The following ST6GAL2 variants were observed in gnomAD, a reference collection of about 807,000 sequenced individuals.
The protein encoded by ST6GAL2 is beta-galactoside alpha-2,6-sialyltransferase 2.
In ST6GAL2, 24 loss-of-function variants were observed where a neutral mutation model predicts 37.5. The ratio of observed to expected loss-of-function variants is 0.64; its 90% confidence interval spans 0.46 to 0.90. ST6GAL2 has a LOEUF of 0.90. Ranked by LOEUF, ST6GAL2 falls within the 40% of genes least tolerant of loss-of-function variation. The probability of loss-of-function intolerance (pLI) is 0.00; values close to 1 mark genes in which losing one functional copy is unlikely to be tolerated. For synonymous variants in ST6GAL2, 306 were observed against 295.1 expected (o/e 1.04, Z -0.38); for missense variants, 715 against 712.7 (o/e 1.00, Z -0.04).
chr2:106,806,726 G>A lies in ST6GAL2; in HGVS notation c.1542C>T (p.Phe514=). 6.2e-7 allele frequency: 1 copy of A among 1,614,126 alleles called. No homozygotes were observed. Among genetic ancestry groups the A allele is most frequent in the South Asian group, 1.1e-5 (1 of 91,080 alleles). The part of the protein sequence containing the change: ...HRKGKVVLPG[F]QAVHCPAPSP... ...TTGGTGCAGGGCAGTGCACCGCCTG[G>A]AAGCCGGGAAGAACCACCTTGCCCT... The change falls in exon 6 of 6, where the codon TTC becomes TTT. Residue 514 remains phenylalanine, a synonymous_variant. Transcript: ENST00000409382.
At chr2:106,877,008 G>T (rs948949417) in intron 1 of ST6GAL2, among the ~76,000 whole-genome samples, 2 of 152,126 alleles carry the variant, frequency 1.3e-5, no homozygotes, top group African/African-American at 4.8e-5. Context: ...TGGTAGGTGG[G>T]GGAAAGTAAA....
intron 1 of ST6GAL2, among the ~76,000 whole-genome samples, chr2:106,875,173 TC>T (rs368360467): frequency 0.028 from 3,972 of 143,738 alleles, 85 homozygotes; most frequent in South Asian, 0.071. Context: ...TTTTTTTGTT[TC>T]TTTTTTTTTT....
In ST6GAL2 at chr2:106,801,912, A is replaced by G. The variant is rs1035784690; in HGVS notation, c.*4766T>C. On this transcript the variant is annotated 3_prime_UTR_variant, in exon 6 of 6. Coordinates refer to ENST00000409382, the MANE Select transcript of ST6GAL2 (RefSeq NM_001142351.2). ...TAAATGTTAGATTTTAACACCACCA[A>G]TGCAATTTCTTTGTTTCCAATCTAC... 2.6e-5 allele frequency: 4 copies of G among 152,122 alleles called. No homozygotes were observed. The highest frequency in any genetic ancestry group is 6.5e-5 in the Admixed American group (1 of 15,280). The allele number at this position is 152,122 out of a possible 1,614,324, so 9.4% of individuals were successfully genotyped here.
intron 1 of ST6GAL2, among the ~76,000 whole-genome samples, chr2:106,859,881 T>TA (rs201807631): frequency 3.2e-4 from 48 of 148,694 alleles, no homozygotes; most frequent in East Asian, 7.9e-4. Context: ...TACTTCAAAT[T>TA]AAAAAAAAAA....
At chr2:106,810,232 T>G (rs1675555875) in intron 5 of ST6GAL2, among the ~76,000 whole-genome samples, 1 of 152,226 alleles carries the variant, frequency 6.6e-6, no homozygotes, top group Non-Finnish European at 1.5e-5. Flanking sequence ...TGTCATAGAC[T>G]ATGCAAATAG....
In ST6GAL2 at chr2:106,806,696, T is replaced by C; in HGVS notation, c.1572A>G (p.Pro524=). 6.2e-7 allele frequency: 1 copy of C among 1,614,088 alleles called. No individual in the cohort carries two copies. Among genetic ancestry groups the C allele is most frequent in the Non-Finnish European group, 8.5e-7 (1 of 1,179,956 alleles). The change falls in exon 6 of 6, where the codon CCA becomes CCG. Residue 524 remains proline (P), a synonymous_variant. Coordinates refer to ENST00000409382, the MANE Select transcript of ST6GAL2 (RefSeq NM_001142351.2). The stretch of plus-strand genomic sequence containing the variant: ...ACCCTTTTTAAGAGTGTGGAATGAC[T>C]GGACTTGGTGCAGGGCAGTGCACCG... The part of the protein sequence containing the change: ...FQAVHCPAPS[P]VIPHS
Position 106,844,113 on chromosome 2 carries a change from T to C in ST6GAL2, c.-57-79A>G, listed in dbSNP as rs1044901930. The C allele has an allele frequency of 1.2e-5, 8 of 671,122 alleles. No individual in the cohort carries two copies. The African/African-American group carries it at 1.4e-4, about 12-fold the overall frequency. The allele number at this position is 671,122 out of a possible 1,614,324, so 41.6% of individuals were successfully genotyped here. A position where few individuals can be genotyped will look rare whatever the true frequency, so the allele number is the denominator to read the frequency against. On this transcript the variant is annotated intron_variant, in intron 1 of 5. Transcript: ENST00000409382. ...GCTGGGGACATTCTATCTTGAGCAG[T>C]GTTTCTGTAGGTGGTGGGGTGGGGT... is the stretch of plus-strand genomic sequence containing the variant.
chr2:106,823,017 G>C (rs73949765), intron 5 of ST6GAL2: 37 of 152,132 alleles, frequency 2.4e-4, no homozygotes, highest in African/African-American at 8.7e-4. Context: ...CTGAAATCAG[G>C]TGTTTTTCCA....
chr2:106,868,566 T>C (rs1450772827), intron 1 of ST6GAL2, among the ~76,000 whole-genome samples: 1 of 152,228 alleles, frequency 6.6e-6, no homozygotes, highest in Non-Finnish European at 1.5e-5. Flanking sequence ...CAAAGATCGC[T>C]GCACCGGAAG....
intron 1 of ST6GAL2, among the ~76,000 whole-genome samples, chr2:106,848,889 A>G (rs1677248194): frequency 6.6e-6 from 1 of 152,202 alleles, no homozygotes; most frequent in African/African-American, 2.4e-5. Context: ...AGCGCCAGAG[A>G]TAAGACCCTC....
Position 106,844,016 on chromosome 2 carries a change from G to A in ST6GAL2, c.-39C>T. ...GGTCAGCACCTTGTGTCTTAATGCA[G>A]ATGGGTGGCAGAATGAACCTGAAAA... On this transcript the variant is annotated 5_prime_UTR_variant, in exon 2 of 6. Coordinates refer to ENST00000409382, the MANE Select transcript of ST6GAL2 (RefSeq NM_001142351.2). The A allele has an allele frequency of 6.6e-7, 1 of 1,505,372 alleles. No individual in the cohort carries two copies. Among genetic ancestry groups the A allele is most frequent in the Non-Finnish European group, 8.9e-7 (1 of 1,126,284 alleles). 93.3% of individuals were successfully genotyped at this position (1,505,372 alleles called of 1,614,324 possible). A position where few individuals can be genotyped will look rare whatever the true frequency, so the allele number is the denominator to read the frequency against.
chr2:106,816,982 C>A (rs530001298), intron 5 of ST6GAL2, among the ~76,000 whole-genome samples: 1 of 152,192 alleles, frequency 6.6e-6, no homozygotes, highest in African/African-American at 2.4e-5. Context: ...AAAGCAACAC[C>A]GGGCAGAACT....
chr2:106,839,297 G>C (rs1250644678), intron 2 of ST6GAL2, among the ~76,000 whole-genome samples: 1 of 151,966 alleles, frequency 6.6e-6, no homozygotes, highest in African/African-American at 2.4e-5. Context: ...CTTCAGCTTG[G>C]TCTCCTCTCC....
At chr2:106,854,264 T>C (rs1414801925) in intron 1 of ST6GAL2, among the ~76,000 whole-genome samples, 1 of 152,226 alleles carries the variant, frequency 6.6e-6, no homozygotes, top group African/African-American at 2.4e-5. Context: ...GAAAGCCCTG[T>C]TGGCACCTGC....
At chr2:106,819,342 G>C (rs1675917266) in intron 5 of ST6GAL2, among the ~76,000 whole-genome samples, 1 of 149,452 alleles carries the variant, frequency 6.7e-6, no homozygotes, top group Non-Finnish European at 1.5e-5. Flanking sequence ...GATCCTAAAA[G>C]CAGCAAGAGA....
rs561773356 is a variant in ST6GAL2 at position 106,852,402 on chromosome 2, C to T, written c.-57-8368G>A. ...AGGGCTGGCCGACCCAGTGACCTCGCTTGGTTGAGGCATAAGTTTAAAACA... is the reference window on the plus strand; with the variant it reads ...AGGGCTGGCCGACCCAGTGACCTCGTTTGGTTGAGGCATAAGTTTAAAACA... On this transcript the variant is annotated intron_variant, in intron 1 of 5. Coordinates refer to ENST00000409382, the MANE Select transcript of ST6GAL2 (RefSeq NM_001142351.2). 1.0e-3 allele frequency among the ~76,000 whole-genome samples: 152 copies of T among 152,306 alleles called. 4 individuals carry two copies. In the South Asian group the frequency reaches 0.03, roughly 30 times the overall value.
chr2:106,838,264 G>T (rs1039065907), intron 2 of ST6GAL2, among the ~76,000 whole-genome samples: 1 of 152,196 alleles, frequency 6.6e-6, no homozygotes, highest in Non-Finnish European at 1.5e-5. Flanking sequence ...TGCATCCATG[G>T]AAGGAAAATT....
intron 1 of ST6GAL2, among the ~76,000 whole-genome samples, chr2:106,857,547 T>C (rs1210712301): frequency 2.0e-5 from 3 of 152,084 alleles, no homozygotes; most frequent in Non-Finnish European, 4.4e-5. Flanking sequence ...GAGGTTGCAG[T>C]GAGCTGAGAT....
In ST6GAL2 at chr2:106,834,348, T is replaced by C. The variant is rs188356776; in HGVS notation, c.944-202A>G. ...TGGAGGAAACATCAATATGGATATA[T>C]ATAGATGTAAAATCTGTTCAATTAT... On this transcript the variant is annotated intron_variant, in intron 2 of 5. Transcript: ENST00000409382. The C allele has an allele frequency of 4.2e-5, 22 of 528,502 alleles. No homozygotes were observed. In the East Asian group the frequency reaches 6.3e-4, roughly 15 times the overall value. 32.7% of individuals were successfully genotyped at this position (528,502 alleles called of 1,614,324 possible). A position where few individuals can be genotyped will look rare whatever the true frequency, so the allele number is the denominator to read the frequency against.
Sources: gnomAD v4.1 joint callset for allele counts (sites outside exome capture counted in the v4.1 genomes callset) on GRCh38, gnomAD v4.1.1 for gene constraint, MANE v1.5 for transcripts, NCBI Gene and HGNC (gene_info 2026-07-23, HGNC 2026-07-21) for gene names.